The following NBAS variants were observed in gnomAD, a reference collection of about 807,000 sequenced individuals.
NBAS encodes the protein NBAS subunit of NRZ tethering complex, also known as NAG/BC035112 fusion.
In NBAS, 219 loss-of-function variants were observed where a neutral mutation model predicts 302.5. That is an observed-to-expected ratio of 0.72 (90% CI 0.65 to 0.81). The LOEUF is 0.81. Ranked by LOEUF, NBAS falls within the 30% of genes least tolerant of loss-of-function variation. The pLI is 0.00. For missense variants in NBAS, 2,932 were observed against 2,841.6 expected (o/e 1.03, Z -0.72); for synonymous variants, 1,118 against 1,021.6 (o/e 1.09, Z -1.80).
intron 48 of NBAS, among the ~76,000 whole-genome samples, chr2:15,193,083 C>T (rs939426563): frequency 6.6e-6 from 1 of 152,056 alleles, no homozygotes; most frequent in Admixed American, 6.6e-5. Flanking sequence ...AATAATAGTT[C>T]CCATGTTTAA....
chr2:14,791,203 CT>C, the NBAS span, among the ~76,000 whole-genome samples: 1 of 152,096 alleles, frequency 6.6e-6, no homozygotes, highest in Admixed American at 6.5e-5. Context: ...GTTGGTCAGG[CT>C]GGTCTTGAAC....
At chr2:15,516,139 T>C (rs1045989032) in intron 9 of NBAS, among the ~76,000 whole-genome samples, 1 of 152,206 alleles carries the variant, frequency 6.6e-6, no homozygotes, top group Non-Finnish European at 1.5e-5. Context: ...GACGGAGAGA[T>C]ACTATCTTCT....
chr2:14,799,849 T>C, the NBAS span, among the ~76,000 whole-genome samples: 1 of 152,218 alleles, frequency 6.6e-6, no homozygotes, highest in Non-Finnish European at 1.5e-5. Context: ...TGAATTGTAG[T>C]TTGTCTGATA....
At chr2:15,111,064 G>T in the NBAS span, among the ~76,000 whole-genome samples, 4,632 of 152,226 alleles carry the variant, frequency 0.03, 161 homozygotes, top group Admixed American at 0.094. Flanking sequence ...TACTGACTTT[G>T]TGAAATAACT....
At chr2:14,822,136 AC>A in the NBAS span, among the ~76,000 whole-genome samples, 1 of 152,198 alleles carries the variant, frequency 6.6e-6, no homozygotes, top group Non-Finnish European at 1.5e-5. Flanking sequence ...AAGAACTCTT[AC>A]CAAAGAACCT....
chr2:15,553,696 C>T (rs73202791), intron 4 of NBAS, among the ~76,000 whole-genome samples: 7,367 of 151,516 alleles, frequency 0.049, 575 homozygotes, highest in African/African-American at 0.16. Flanking sequence ...CTCTCTCCCC[C>T]ACTCTCCCCA....
chr2:15,517,969 C>A (rs1291806510), intron 9 of NBAS, among the ~76,000 whole-genome samples: 1 of 152,040 alleles, frequency 6.6e-6, no homozygotes, highest in Non-Finnish European at 1.5e-5. Context: ...GTGGAAAAGT[C>A]TTAAGTTAAA....
At chr2:15,486,728 T>C (rs528487463) in intron 12 of NBAS, among the ~76,000 whole-genome samples, 4 of 152,190 alleles carry the variant, frequency 2.6e-5, no homozygotes, top group Admixed American at 6.5e-5. Context: ...TTAAGGTTTT[T>C]AAACAACTTT....
At chr2:15,071,626 A>G in the NBAS span, among the ~76,000 whole-genome samples, 2 of 145,530 alleles carry the variant, frequency 1.4e-5, no homozygotes. Context: ...TCCATCTCCA[A>G]AAAAAAAAAA....
chr2:15,442,755 G>A (rs1200269229), intron 21 of NBAS, among the ~76,000 whole-genome samples: 1 of 151,630 alleles, frequency 6.6e-6, no homozygotes, highest in East Asian at 1.9e-4. Flanking sequence ...TAGACCACTA[G>A]CAAGACTAAT....
intron 50 of NBAS, among the ~76,000 whole-genome samples, chr2:15,185,754 A>T (rs961456820): frequency 1.3e-5 from 2 of 152,182 alleles, no homozygotes; most frequent in Non-Finnish European, 2.9e-5. Context: ...AGACTTCTTT[A>T]AATGGATAAA....
At chr2:14,909,657 T>C in the NBAS span, among the ~76,000 whole-genome samples, 2 of 152,212 alleles carry the variant, frequency 1.3e-5, no homozygotes, top group Non-Finnish European at 2.9e-5. Flanking sequence ...AAGCCATGCT[T>C]TGTAAATGAT....
chr2:14,890,603 A>C, the NBAS span: 1 of 152,160 alleles, frequency 6.6e-6, no homozygotes, highest in Non-Finnish European at 1.5e-5. Context: ...GGGTCACTTG[A>C]AGTCAGGAGT....
chr2:15,316,269 T>C (rs1478543596), intron 38 of NBAS, among the ~76,000 whole-genome samples: 1 of 152,154 alleles, frequency 6.6e-6, no homozygotes, highest in Non-Finnish European at 1.5e-5. Flanking sequence ...GACAGCCAAA[T>C]AGGAACAGCT....
chr2:15,275,644 A>G lies in NBAS; in HGVS notation c.5564T>C (p.Phe1855Ser). 3.7e-6 allele frequency: 6 copies of G among 1,614,206 alleles called. No individual in the cohort carries two copies. The South Asian group carries it at 6.6e-5, about 18-fold the overall frequency. The change falls in exon 44 of 52, where the codon TTC (phenylalanine) becomes TCC (serine). Residue 1855 changes from phenylalanine to serine, a missense_variant. Transcript: ENST00000281513. ...SLYTIWLQKL[F>S]WTGDPHLIKQ... ...AATGAGATGAGGGTCTCCAGTCCAG[A>G]ACAACTTCTGTAACCAGATGGTGTA...
At chr2:14,845,615 A>T in the NBAS span, among the ~76,000 whole-genome samples, 1 of 152,234 alleles carries the variant, frequency 6.6e-6, no homozygotes, top group Non-Finnish European at 1.5e-5. Context: ...TTCAGACAGA[A>T]AATTTAAAAT....
chr2:14,976,485 G>A, the NBAS span, among the ~76,000 whole-genome samples: 1 of 152,176 alleles, frequency 6.6e-6, no homozygotes, highest in African/African-American at 2.4e-5. Context: ...GAACATTCCA[G>A]GCATTCAATT....
chr2:14,975,509 C>A, the NBAS span, among the ~76,000 whole-genome samples: 1 of 152,314 alleles, frequency 6.6e-6, no homozygotes, highest in African/African-American at 2.4e-5. Context: ...GAATTAAAAT[C>A]AGTTTTCTGC....
chr2:15,385,110 A>G (rs953744813), intron 28 of NBAS, among the ~76,000 whole-genome samples: 4 of 152,278 alleles, frequency 2.6e-5, no homozygotes, highest in Non-Finnish European at 4.4e-5. Flanking sequence ...GCAATTAGGC[A>G]TAAGAGAACA....
Sources: allele counts gnomAD v4.1 joint callset (sites outside exome capture counted in the v4.1 genomes callset), GRCh38; gene constraint gnomAD v4.1.1; transcripts MANE v1.5; gene names NCBI Gene and HGNC (gene_info 2026-07-23, HGNC 2026-07-21).